The following BAZ2B variants were observed in gnomAD, a reference collection of about 807,000 sequenced individuals.
BAZ2B encodes the protein bromodomain adjacent to zinc finger domain 2B.
In BAZ2B, 91 loss-of-function variants were observed where a neutral mutation model predicts 246.0. The ratio of observed to expected loss-of-function variants is 0.37; its 90% CI spans 0.31 to 0.44. BAZ2B has a LOEUF of 0.44. Among genes scored for constraint, BAZ2B ranks in the 20% least tolerant of loss-of-function variants. The pLI, the probability that BAZ2B is intolerant of heterozygous loss-of-function variation, is 1.00. For missense variants in BAZ2B, 2,332 were observed against 2,533.7 expected, an observed-to-expected ratio of 0.92 and a Z score of 1.71; for synonymous variants, 855 against 860.0, an observed-to-expected ratio of 0.99 and a Z score of 0.10.
the BAZ2B span, among the ~76,000 whole-genome samples, chr2:159,652,997 G>T: frequency 6.6e-5 from 10 of 151,264 alleles, no homozygotes; most frequent in South Asian, 2.1e-3. Context: ...GAGTGCAGGG[G>T]TGCCATCTCA....
intron 2 of BAZ2B, among the ~76,000 whole-genome samples, chr2:159,521,297 T>C (rs1249597099): frequency 2.0e-5 from 3 of 152,072 alleles, no homozygotes; most frequent in Non-Finnish European, 4.4e-5. Context: ...TAATATAAAT[T>C]GAAATGGCTT....
intron 2 of BAZ2B, among the ~76,000 whole-genome samples, chr2:159,554,429 TAAAC>T (rs2088786447): frequency 6.6e-6 from 1 of 151,644 alleles, no homozygotes; most frequent in Admixed American, 6.6e-5. Context: ...TAAGAAAAAA[TAAAC>T]AAGGAAAGAG....
intron 8 of BAZ2B, among the ~76,000 whole-genome samples, chr2:159,436,901 A>C (rs2072450928): frequency 6.6e-6 from 1 of 152,236 alleles, no homozygotes; most frequent in African/African-American, 2.4e-5. Context: ...ATGATTAAAT[A>C]ACCTTTAAGA....
Position 159,398,690 on chromosome 2 carries a change from C to G in BAZ2B, c.2964+139G>C, listed in dbSNP as rs866730921. ...ATATACATACAAATAAAAACATACACTATACACATGTAGTATCTGCTAAAC... is the reference window on the plus strand; with the variant it reads ...ATATACATACAAATAAAAACATACAGTATACACATGTAGTATCTGCTAAAC... On this transcript the variant is annotated intron_variant, in intron 18 of 36. Transcript: ENST00000392783. 2.1e-5 allele frequency: 15 copies of G among 705,030 alleles called. 1 individual carries two copies. In the Middle Eastern group the frequency reaches 2.3e-3, roughly 108 times the overall value. 43.7% of individuals were successfully genotyped at this position (705,030 alleles called of 1,614,324 possible). A position where few individuals can be genotyped will look rare whatever the true frequency, so the allele number is the denominator to read the frequency against.
chr2:159,641,931 T>C, the BAZ2B span, among the ~76,000 whole-genome samples: 1 of 152,204 alleles, frequency 6.6e-6, no homozygotes, highest in East Asian at 1.9e-4. Context: ...TAGGTACATA[T>C]TCCCTCTAAT....
chr2:159,347,585 G>C lies in BAZ2B; in HGVS notation c.5355C>G (p.Asn1785Lys), dbSNP rs776815410. Residue 1785 changes from asparagine (N) to lysine (K), a missense_variant, in exon 31 of 37, where the codon AAC (asparagine) becomes AAG (lysine). By Grantham distance (94) the Asn-to-Lys change is moderately conservative. This residue lies in a region of BAZ2B where 676 missense variants were observed against 668.6 expected (regional missense o/e 1.01). Coordinates refer to ENST00000392783, the MANE Select transcript of BAZ2B (RefSeq NM_013450.4). ...ENQVTRDIVENWSVEEQAMEM... is the reference protein window; with the variant it reads ...ENQVTRDIVEKWSVEEQAMEM... ...CCATTGCTTGTTCTTCTACTGACCA[G>C]TTCTCCACAATATCTCGAGTTACTT... 3.1e-6 allele frequency: 5 copies of C among 1,612,914 alleles called. No individual in the cohort carries two copies. In the South Asian group the frequency reaches 5.5e-5, roughly 18 times the overall value.
intron 2 of BAZ2B, among the ~76,000 whole-genome samples, chr2:159,544,298 A>G (rs962575129): frequency 1.3e-5 from 2 of 152,204 alleles, no homozygotes; most frequent in Non-Finnish European, 2.9e-5. Flanking sequence ...CTACAGGTCA[A>G]AAGTTTAGAT....
At chr2:159,369,359 T>C (rs2060570810) in intron 27 of BAZ2B, among the ~76,000 whole-genome samples, 1 of 152,196 alleles carries the variant, frequency 6.6e-6, no homozygotes, top group Non-Finnish European at 1.5e-5. Flanking sequence ...GGGTCAGAAT[T>C]GTATACAGTC....
intron 27 of BAZ2B, among the ~76,000 whole-genome samples, chr2:159,370,629 C>A (rs1394020640): frequency 6.6e-6 from 1 of 152,108 alleles, no homozygotes; most frequent in Non-Finnish European, 1.5e-5. Flanking sequence ...GTCTCCGCCT[C>A]CCAAAGTGCT....
chr2:159,346,719 C>G (rs2067903890), intron 31 of BAZ2B, among the ~76,000 whole-genome samples: 1 of 151,944 alleles, frequency 6.6e-6, no homozygotes, highest in African/African-American at 2.4e-5. Context: ...CAAAAAACCC[C>G]CAAACCAAAA....
At chr2:159,665,774 T>A in the BAZ2B span, among the ~76,000 whole-genome samples, 5 of 152,096 alleles carry the variant, frequency 3.3e-5, no homozygotes, top group African/African-American at 1.2e-4. Context: ...GGCATTACCA[T>A]TCAGGACATA....
At chr2:159,648,290 A>T in the BAZ2B span, among the ~76,000 whole-genome samples, 1 of 152,102 alleles carries the variant, frequency 6.6e-6, no homozygotes, top group African/African-American at 2.4e-5. Flanking sequence ...CGCACATGCC[A>T]CCATGCCCAG....
rs750014453 is a variant in BAZ2B, at chr2:159,448,360, G to A, written c.384C>T (p.Thr128=). ...GAATTCCCAGTAATGGTGGAAAGAAGGTTGCTCCTGTACGAGTATGAGCAT... is the reference window on the plus strand; with the variant it reads ...GAATTCCCAGTAATGGTGGAAAGAAAGTTGCTCCTGTACGAGTATGAGCAT... The part of the protein sequence containing the change: ...TTDAHTRTGA[T]FFPPLLGIPP... The change falls in exon 5 of 37, where the codon ACC becomes ACT. Residue 128 remains threonine (T), a synonymous_variant. Coordinates refer to ENST00000392783, the MANE Select transcript of BAZ2B (RefSeq NM_013450.4). The A allele has an allele frequency of 6.2e-7, 1 of 1,612,468 alleles. No individual in the cohort carries two copies. Among genetic ancestry groups the A allele is most frequent in the Middle Eastern group, 1.7e-4 (1 of 6,054 alleles).
chr2:159,391,387 C>T (rs754695634), intron 20 of BAZ2B, among the ~76,000 whole-genome samples: 11 of 152,148 alleles, frequency 7.2e-5, no homozygotes, highest in Non-Finnish European at 1.3e-4. Context: ...ATTAATGACA[C>T]ACTTCTCAGA....
chr2:159,710,071 G>A, the BAZ2B span, among the ~76,000 whole-genome samples: 36 of 152,278 alleles, frequency 2.4e-4, no homozygotes, highest in African/African-American at 7.7e-4. Context: ...AGGCAAGCAC[G>A]GTGTCTAGAT....
intron 27 of BAZ2B, among the ~76,000 whole-genome samples, chr2:159,358,352 A>C (rs2059336419): frequency 1.3e-5 from 2 of 151,614 alleles, no homozygotes; most frequent in Admixed American, 6.6e-5. Context: ...AACAAAGATC[A>C]AAAGAGACAA....
At chr2:159,529,216 G>GA (rs1297568421) in intron 2 of BAZ2B, among the ~76,000 whole-genome samples, 2 of 151,010 alleles carry the variant, frequency 1.3e-5, no homozygotes, top group Non-Finnish European at 2.9e-5. Context: ...CTTTTTTCAT[G>GA]AAATACTCCA....
At chr2:159,496,428 T>G (rs978998277) in intron 2 of BAZ2B, among the ~76,000 whole-genome samples, 19 of 99,480 alleles carry the variant, frequency 1.9e-4, no homozygotes, top group Admixed American at 2.2e-4. Flanking sequence ...GGCTTGAACG[T>G]GGGAGGGCCG....
At chr2:159,681,501 C>T in the BAZ2B span, among the ~76,000 whole-genome samples, 2 of 150,642 alleles carry the variant, frequency 1.3e-5, no homozygotes, top group African/African-American at 4.9e-5. Context: ...AAAATATAGC[C>T]ACTGAAATAA....
Sources: allele counts gnomAD v4.1 joint callset (sites outside exome capture counted in the v4.1 genomes callset), GRCh38; gene constraint gnomAD v4.1.1; regional missense constraint gnomAD v4.1.1; transcripts MANE v1.5; gene names NCBI Gene and HGNC (gene_info 2026-07-23, HGNC 2026-07-21).